The following DAB1 variants were observed in gnomAD, a reference collection of about 807,000 sequenced individuals.
DAB1 encodes the protein disabled homolog 1.
A neutral mutation model predicts 64.6 loss-of-function variants in DAB1; 15 were observed. The observed-to-expected ratio is 0.23, with a 90% confidence interval of 0.16 to 0.36. The LOEUF (loss-of-function observed/expected upper bound fraction) is 0.36. Among genes scored for constraint, DAB1 ranks in the 10% least tolerant of loss-of-function variants. The pLI is 1.00. For missense variants in DAB1, 596 were observed against 706.7 expected (o/e 0.84, Z 1.78); for synonymous variants, 235 against 251.9 (o/e 0.93, Z 0.64).
At chr1:57,585,493 ATGG>A (rs1645368266) in intron 7 of DAB1, among the ~76,000 whole-genome samples, 1 of 152,124 alleles carries the variant, frequency 6.6e-6, no homozygotes, top group South Asian at 2.1e-4. Flanking sequence ...ACATTCTTTC[ATGG>A]AACAATAATG....
intron 7 of DAB1, among the ~76,000 whole-genome samples, chr1:57,633,806 T>A (rs1646019705): frequency 6.6e-6 from 1 of 152,114 alleles, no homozygotes; most frequent in African/African-American, 2.4e-5. Context: ...CACACGTACA[T>A]TTTGCCAGGT....
At chr1:58,434,025 G>A (rs1644914043) in intron 3 of DAB1, among the ~76,000 whole-genome samples, 1 of 152,092 alleles carries the variant, frequency 6.6e-6, no homozygotes, top group South Asian at 2.1e-4. Flanking sequence ...AGTAGAGTAT[G>A]GGCAAGTATA....
At position 58,268,941 on chromosome 1, in the gene DAB1, G is replaced by T. The variant is rs1283694085; in HGVS notation, n.309+74411C>A. ...ATAGACCAACTGAATAGAATTAAAA[G>T]CCCAGAAATAAACCTTCACATATAC... On this transcript the variant is annotated intron_variant and non_coding_transcript_variant, in intron 4 of 20. Transcript: ENST00000485760. Among the ~76,000 whole-genome samples the T allele has an allele frequency of 2.6e-5, 4 of 152,160 alleles. No individual in the cohort carries two copies. The East Asian group carries it at 7.7e-4, about 29-fold the overall frequency.
chr1:57,814,866 G>A (rs1296529764), intron 6 of DAB1, among the ~76,000 whole-genome samples: 1 of 152,086 alleles, frequency 6.6e-6, no homozygotes, highest in Middle Eastern at 3.2e-3. Flanking sequence ...AAATCGCTTA[G>A]TGCCCTGAGA....
chr1:58,051,706 T>A (rs894581774), intron 5 of DAB1, among the ~76,000 whole-genome samples: 4 of 152,082 alleles, frequency 2.6e-5, no homozygotes, highest in Non-Finnish European at 5.9e-5. Context: ...CTCTCCAGCA[T>A]TTGTTGTTTC....
chr1:57,060,141 T>C (rs1310610059), intron 9 of DAB1, among the ~76,000 whole-genome samples: 2 of 147,762 alleles, frequency 1.4e-5, no homozygotes, highest in African/African-American at 5.1e-5. Flanking sequence ...TTTTATTTTA[T>C]TTTATTTTAT....
chr1:58,228,735 CA>C (rs1199884594), intron 4 of DAB1: 1 of 1,085,286 alleles, frequency 9.2e-7, no homozygotes, highest in Non-Finnish European at 1.4e-6. Context: ...GAAACTGAGC[CA>C]CATCAGGCCC....
intron 7 of DAB1, among the ~76,000 whole-genome samples, chr1:57,626,415 T>C (rs1290211673): frequency 6.6e-6 from 1 of 152,182 alleles, no homozygotes; most frequent in African/African-American, 2.4e-5. Context: ...TTAAAATGTC[T>C]AATAGATGTG....
intron 7 of DAB1, among the ~76,000 whole-genome samples, chr1:57,440,446 C>A (rs1284229748): frequency 6.6e-6 from 1 of 152,136 alleles, no homozygotes; most frequent in African/African-American, 2.4e-5. Flanking sequence ...GAACTTCTTA[C>A]ATTCAGGGAT....
At chr1:57,960,441 T>G (rs1337467783) in intron 5 of DAB1, among the ~76,000 whole-genome samples, 1 of 151,946 alleles carries the variant, frequency 6.6e-6, no homozygotes, top group Non-Finnish European at 1.5e-5. Flanking sequence ...GAAAATTTCC[T>G]TTATCTCTTT....
intron 1 of DAB1, among the ~76,000 whole-genome samples, chr1:57,409,056 G>T (rs1402827835): frequency 1.3e-5 from 2 of 152,146 alleles, no homozygotes; most frequent in African/African-American, 4.8e-5. Context: ...GAACATCCAT[G>T]TGTGGTGCCC....
At chr1:57,549,472 A>T (rs542186582) in intron 7 of DAB1, among the ~76,000 whole-genome samples, 1 of 152,328 alleles carries the variant, frequency 6.6e-6, no homozygotes, top group East Asian at 1.9e-4. Flanking sequence ...CCAGTTTAGC[A>T]AACATGATGA....
chr1:58,118,469 C>CATATATAT (rs370100684), intron 5 of DAB1, among the ~76,000 whole-genome samples: 896 of 21,966 alleles, frequency 0.041, 45 homozygotes, highest in Middle Eastern at 0.079. Context: ...TATCCTAAGG[C>CATATATAT]ATATATATAT....
At chr1:57,825,951 A>G (rs1652331470), downstream of DAB1, 1 of 152,162 alleles carries the variant, frequency 6.6e-6, no homozygotes, top group Non-Finnish European at 1.5e-5. Flanking sequence ...CTGCATCAGC[A>G]TGTTGAATTA....
chr1:57,838,876 A>C (rs910025949), intron 1 of DAB1, among the ~76,000 whole-genome samples: 1 of 151,498 alleles, frequency 6.6e-6, no homozygotes, highest in Non-Finnish European at 1.5e-5. Context: ...TCCTGGGCTC[A>C]AGCAATTCTC....
At chr1:58,234,538 C>T (rs768526237) in intron 4 of DAB1, among the ~76,000 whole-genome samples, 3 of 152,172 alleles carry the variant, frequency 2.0e-5, no homozygotes, top group East Asian at 3.8e-4. Flanking sequence ...GGGCTGGCAG[C>T]GTGGAAGGAG....
At chr1:57,072,486 T>A (rs1651578369) in intron 4 of DAB1, 72 bp from the exon 5 acceptor site, 3 of 1,558,222 alleles carry the variant, frequency 1.9e-6, no homozygotes, top group Non-Finnish European at 2.6e-6. Context: ...ATAAGAAATG[T>A]GTTTCAGCTA....
chr1:57,802,928 G>A (rs918221249), intron 6 of DAB1, among the ~76,000 whole-genome samples: 1 of 152,126 alleles, frequency 6.6e-6, no homozygotes, highest in African/African-American at 2.4e-5. Context: ...AAATAGCCTG[G>A]CCTTTCTAGG....
At chr1:57,935,314 G>C (rs1645009759) in intron 5 of DAB1, among the ~76,000 whole-genome samples, 1 of 152,146 alleles carries the variant, frequency 6.6e-6, no homozygotes, top group Non-Finnish European at 1.5e-5. Flanking sequence ...GTAAAATGGG[G>C]ATAATAATCT....
Sources: allele counts gnomAD v4.1 joint callset (sites outside exome capture counted in the v4.1 genomes callset), GRCh38; gene constraint gnomAD v4.1.1; transcripts MANE v1.5; gene names NCBI Gene and HGNC (gene_info 2026-07-23, HGNC 2026-07-21).